ARID4A: variants seen among roughly 807,000 people sequenced by gnomAD.
ARID4A encodes the protein AT-rich interaction domain 4A.
ARID4A carries 39 observed loss-of-function variants against 148.6 expected under a neutral mutation model. That is an observed-to-expected ratio of 0.26 (90% CI 0.20 to 0.34). The LOEUF (loss-of-function observed/expected upper bound fraction) is 0.34. Ranked by LOEUF, ARID4A falls within the 10% of genes least tolerant of loss-of-function variation. The probability of loss-of-function intolerance (pLI) is 1.00; values close to 1 mark genes in which losing one functional copy is unlikely to be tolerated. For missense variants in ARID4A, 1,265 were observed against 1,449.1 expected (o/e 0.87, Z 2.06); for synonymous variants, 475 against 481.2 (o/e 0.99, Z 0.17).
In ARID4A at chr14:58,364,988, T is replaced by G; in HGVS notation, c.2899T>G (p.Leu967Val). 1 of 1,614,068 alleles carries G rather than the reference T, an allele frequency of 6.2e-7. No homozygotes were observed. ...LVCHEVDLDD[L>V]DEKDKTSIED... ...TTGCCATGAAGTAGATTTGGATGAT[T>G]TGGATGAAAAGGATAAGACCAGCAT... The change falls in exon 20 of 24, where the codon TTG (leucine) becomes GTG (valine). Residue 967 changes from leucine to valine, a missense_variant. Physicochemically the swap from Leu to Val is conservative, Grantham distance 32 (BLOSUM62 1). Transcript: ENST00000355431.
At chr14:58,324,276 T>A (rs1349227721) in intron 8 of ARID4A, among the ~76,000 whole-genome samples, 2 of 152,078 alleles carry the variant, frequency 1.3e-5, no homozygotes, top group Non-Finnish European at 2.9e-5. Flanking sequence ...TATAGAGAAA[T>A]CGTTTTTTCT....
chr14:58,306,957 A>G (rs2031652617), intron 5 of ARID4A, among the ~76,000 whole-genome samples: 1 of 152,250 alleles, frequency 6.6e-6, no homozygotes, highest in Non-Finnish European at 1.5e-5. Flanking sequence ...TTCCATGCAT[A>G]AGCTTATACT....
At chr14:58,360,856 C>T (rs937773702) in intron 18 of ARID4A, 45 bp from the exon 19 acceptor site, 7 of 1,568,976 alleles carry the variant, frequency 4.5e-6, no homozygotes, top group Non-Finnish European at 5.2e-6. Context: ...GTTCATTTTT[C>T]GTAAAGCATT....
chr14:58,366,238 G>A lies in ARID4A; in HGVS notation c.3523+8G>A, dbSNP rs776541570. On this transcript the variant is annotated splice_region_variant and intron_variant, in intron 22 of 23. Transcript: ENST00000355431. Reference sequence around the variant, plus strand: ...AATGGAGCTTTCAGCTCAGTAAGAAGCTTATAGAAAACTTGATAGATGAAT... The same window carrying A: ...AATGGAGCTTTCAGCTCAGTAAGAAACTTATAGAAAACTTGATAGATGAAT... 6.2e-6 allele frequency: 10 copies of A among 1,603,554 alleles called. No homozygotes were observed. In the Admixed American group the frequency reaches 1.7e-4, roughly 27 times the overall value.
At chr14:58,366,814 A>T (rs1185762238) in intron 22 of ARID4A, 69 bp from the exon 23 acceptor site, 1 of 1,235,836 alleles carries the variant, frequency 8.1e-7, no homozygotes, top group Non-Finnish European at 1.1e-6. Flanking sequence ...TAGACGTTTG[A>T]TAGAATTGTC....
At chr14:58,299,900 A>C (rs1467324931) in intron 2 of ARID4A, 40 bp downstream of exon 2, 1 of 1,613,408 alleles carries the variant, frequency 6.2e-7, no homozygotes. Flanking sequence ...CGCGCCCTGA[A>C]CACTGCCAAT....
chr14:58,359,515 C>T (rs1213558243), intron 18 of ARID4A, among the ~76,000 whole-genome samples: 3 of 152,088 alleles, frequency 2.0e-5, no homozygotes, highest in Non-Finnish European at 4.4e-5. Flanking sequence ...TAGGTTTTGA[C>T]AAATATATAA....
chr14:58,311,320 A>G (rs2032013417), intron 5 of ARID4A, among the ~76,000 whole-genome samples: 1 of 152,210 alleles, frequency 6.6e-6, no homozygotes, highest in Non-Finnish European at 1.5e-5. Flanking sequence ...CAAATGGCCC[A>G]CAGGTATGTA....
At chr14:58,306,211 A>G (rs1234091230) in intron 5 of ARID4A, 99 bp downstream of exon 5, 6 of 873,306 alleles carry the variant, frequency 6.9e-6, no homozygotes, top group South Asian at 1.6e-5. Context: ...AGAAATATAT[A>G]TTATTTCCTG....
chr14:58,358,984 C>T, intron 17 of ARID4A, 148 bp from the exon 18 acceptor site: 1 of 791,802 alleles, frequency 1.3e-6, no homozygotes, highest in Non-Finnish European at 1.9e-6. Flanking sequence ...ACCAGCAAAC[C>T]AGCCCCTGTG....
intron 8 of ARID4A, among the ~76,000 whole-genome samples, chr14:58,323,896 C>CTTTTTTTTTT (rs545318449): frequency 2.9e-5 from 3 of 104,178 alleles, no homozygotes; most frequent in African/African-American, 7.1e-5. Context: ...CTTAGGTTCC[C>CTTTTTTTTTT]TTTTTTTTTT....
At chr14:58,322,270 G>A (rs949467875) in intron 7 of ARID4A, among the ~76,000 whole-genome samples, 10 of 151,826 alleles carry the variant, frequency 6.6e-5, no homozygotes, top group Admixed American at 3.9e-4. Context: ...GCACCCAGCC[G>A]ATAATGTATA....
At position 58,309,720 on chromosome 14, in the gene ARID4A, TACAC is replaced by T. The variant is rs796456053; in HGVS notation, c.274+3614_274+3617del. Among the ~76,000 whole-genome samples the T allele has an allele frequency of 3.3e-5, 5 of 152,350 alleles. 1 individual carries two copies. The highest frequency in any genetic ancestry group is 1.2e-4 in the African/African-American group (5 of 41,590). ...ATTCTAGTAATTAACTTTGAAAATG[TACAC>T]ACACAGATCATTTATCAAGTTTAGC... On this transcript the variant is annotated intron_variant, in intron 5 of 23. Coordinates refer to ENST00000355431, the MANE Select transcript of ARID4A (RefSeq NM_002892.4).
Position 58,329,558 on chromosome 14 carries a change from A to G in ARID4A, c.693A>G (p.Glu231=). 6.2e-7 allele frequency: 1 copy of G among 1,606,970 alleles called. No individual in the cohort carries two copies. Among genetic ancestry groups the G allele is most frequent in the South Asian group, 1.1e-5 (1 of 90,896 alleles). Residue 231 remains glutamate (E), a synonymous_variant, in exon 10 of 24, where the codon GAA becomes GAG. Transcript: ENST00000355431. ...CTATAGCAAGAAAGGACATTAAGGA[A>G]GTAGACATTCTCAATCTACCGGAAT... is the stretch of plus-strand genomic sequence containing the variant. The part of the protein sequence containing the change: ...FYSIARKDIK[E]VDILNLPESE...
At chr14:58,310,200 C>T (rs1024669402) in intron 5 of ARID4A, among the ~76,000 whole-genome samples, 4 of 151,982 alleles carry the variant, frequency 2.6e-5, no homozygotes, top group Admixed American at 6.5e-5. Context: ...CTTAAATTTT[C>T]AGATTCCTGG....
intron 11 of ARID4A, among the ~76,000 whole-genome samples, chr14:58,339,885 C>G (rs972267874): frequency 2.0e-5 from 3 of 151,222 alleles, no homozygotes; most frequent in African/African-American, 4.9e-5. Context: ...CATGAGCACG[C>G]AAAGGGGGAA....
intron 3 of ARID4A, among the ~76,000 whole-genome samples, chr14:58,304,649 C>T (rs1299499182): frequency 6.6e-6 from 1 of 151,916 alleles, no homozygotes; most frequent in Non-Finnish European, 1.5e-5. Context: ...GCAATAAAGG[C>T]AGTTTTTTTT....
intron 3 of ARID4A, 78 bp downstream of exon 3, chr14:58,301,768 A>G: frequency 1.0e-6 from 1 of 999,516 alleles, no homozygotes; most frequent in Non-Finnish European, 1.5e-6. Context: ...GCAAATCAGC[A>G]TTTTATTGAG....
At chr14:58,301,982 G>A (rs1399407122) in intron 3 of ARID4A, among the ~76,000 whole-genome samples, 4 of 152,166 alleles carry the variant, frequency 2.6e-5, no homozygotes, top group African/African-American at 9.7e-5. Flanking sequence ...TTAATGTTCA[G>A]GTAGAGACAA....
Sources: allele counts gnomAD v4.1 joint callset (sites outside exome capture counted in the v4.1 genomes callset), GRCh38; gene constraint gnomAD v4.1.1; transcripts MANE v1.5; gene names NCBI Gene and HGNC (gene_info 2026-07-23, HGNC 2026-07-21).